Variants in TEX29 observed in about 807,000 individuals in gnomAD.
TEX29 encodes the protein testis expressed 29.
In TEX29, 26 loss-of-function variants were observed where a neutral mutation model predicts 18.2. The observed-to-expected ratio is 1.43, with a 90% CI of 1.04 to 1.98. TEX29 has a LOEUF of 1.98. Among genes scored for constraint, TEX29 ranks in the 30% most tolerant of loss-of-function variants. TEX29 has a pLI of 0.00. For missense variants in TEX29, 177 were observed against 194.2 expected (o/e 0.91, Z 0.53); for synonymous variants, 83 against 78.5 (o/e 1.06, Z -0.31).
In TEX29 at chr13:111,320,924, C is replaced by A. The variant is rs748818333; in HGVS notation, c.34C>A (p.Arg12=). The change falls in exon 2 of 6, where the codon CGG becomes AGG. Residue 12 remains arginine, a synonymous_variant. Coordinates refer to ENST00000283547, the MANE Select transcript of TEX29 (RefSeq NM_152324.3). ...EYVLEVKNSP[R]HLLKQFTVCD... Reference sequence around the variant, plus strand: ...CGTGCTGGAAGTGAAGAACTCTCCGCGGCACCTCCTGAAGCAATTCACAGG... The same window carrying A: ...CGTGCTGGAAGTGAAGAACTCTCCGAGGCACCTCCTGAAGCAATTCACAGG... The A allele has an allele frequency of 1.9e-6, 3 of 1,604,788 alleles. No homozygotes were observed. The highest frequency in any genetic ancestry group is 2.5e-6 in the Non-Finnish European group (3 of 1,177,726).
rs559712990 is a variant in TEX29, at chr13:111,340,002, G to A, written c.239+70G>A. 5.9e-5 allele frequency: 86 copies of A among 1,459,552 alleles called. No homozygotes were observed. In the African/African-American group the frequency reaches 1.1e-3, roughly 19 times the overall value. The allele number at this position is 1,459,552 out of a possible 1,614,324, so 90.4% of individuals were successfully genotyped here. ...TCACCTCTCCTGGCCGCAGCTTCCT[G>A]CCTGCCTGGGCTCCTTCGGGCTTGG... is the stretch of plus-strand genomic sequence containing the variant. On this transcript the variant is annotated intron_variant, in intron 4 of 5. Transcript: ENST00000283547.
chr13:111,318,819 CAG>C (rs1005012846), upstream of TEX29, among the ~76,000 whole-genome samples: 6 of 152,196 alleles, frequency 3.9e-5, no homozygotes, highest in African/African-American at 1.4e-4. Context: ...GAGGGTGAAA[CAG>C]AATTCCTGTA....
intron 3 of TEX29, among the ~76,000 whole-genome samples, chr13:111,338,295 C>T (rs898130965): frequency 6.6e-6 from 1 of 152,062 alleles, no homozygotes; most frequent in African/African-American, 2.4e-5. Context: ...GGCTGGTGTC[C>T]TTGTAAAAAG....
chr13:111,342,681 G>A, intron 4 of TEX29, 75 bp from the exon 5 acceptor site: 1 of 1,458,118 alleles, frequency 6.9e-7, no homozygotes, highest in East Asian at 2.4e-5. Flanking sequence ...GGATGTCCTG[G>A]TGGGTGGGAG....
intron 2 of TEX29, 48 bp downstream of exon 2, chr13:111,320,996 G>GA (rs749590775): frequency 4.2e-6 from 4 of 963,612 alleles, no homozygotes; most frequent in South Asian, 1.8e-5. Flanking sequence ...GGGAGCAGTT[G>GA]GGGGGGGGCA....
intron 3 of TEX29, among the ~76,000 whole-genome samples, chr13:111,338,440 C>T (rs566260069): frequency 9.9e-5 from 15 of 152,284 alleles, no homozygotes; most frequent in African/African-American, 3.4e-4. Flanking sequence ...ACAGTTTGTT[C>T]TTGGACTTCT....
intron 3 of TEX29, among the ~76,000 whole-genome samples, chr13:111,333,738 A>C (rs569876789): frequency 2.1e-4 from 32 of 152,076 alleles, no homozygotes; most frequent in African/African-American, 7.5e-4. Flanking sequence ...GCCAGAAGGC[A>C]AAGGTGAAGC....
At chr13:111,340,221 C>T (rs575772377) in intron 4 of TEX29, among the ~76,000 whole-genome samples, 11 of 127,056 alleles carry the variant, frequency 8.7e-5, no homozygotes, top group Admixed American at 6.8e-4. Context: ...TGATGAAAAT[C>T]ATAACCCATG....
At chr13:111,330,848 A>G (rs1484457227) in intron 3 of TEX29, among the ~76,000 whole-genome samples, 1 of 152,118 alleles carries the variant, frequency 6.6e-6, no homozygotes, top group Non-Finnish European at 1.5e-5. Flanking sequence ...GTAGTTCTCA[A>G]GGTTCGTTCG....
intron 3 of TEX29, among the ~76,000 whole-genome samples, chr13:111,329,516 C>T (rs573722896): frequency 6.6e-6 from 1 of 151,172 alleles, no homozygotes; most frequent in Non-Finnish European, 1.5e-5. Flanking sequence ...CTTAGAAAGT[C>T]GGGAAACGTT....
rs549421989 is a variant in TEX29, at chr13:111,328,268, C to A, written c.144C>A (p.Gly48=). 1.2e-6 allele frequency: 2 copies of A among 1,613,670 alleles called. No individual in the cohort carries two copies. The highest frequency in any genetic ancestry group is 1.3e-5 in the African/African-American group (1 of 74,938). The stretch of plus-strand genomic sequence containing the variant: ...AGCTCGGGTGCTGCTTCTACGAAGG[C>A]GTCTGCTACAAGAAAGCGGTTCCCA... ...CQELGCCFYE[G]VCYKKAVPIY... The change falls in exon 3 of 6, where the codon GGC becomes GGA. Residue 48 remains glycine (G), a synonymous_variant. Coordinates refer to ENST00000283547, the MANE Select transcript of TEX29 (RefSeq NM_152324.3).
In TEX29 at chr13:111,344,194, C is replaced by A; in HGVS notation, c.*71C>A. ...AATGGTACAGCAGGTGCACTGTTAA[C>A]AGTGTGATGGAATGACCACCCAAAG... is the stretch of plus-strand genomic sequence containing the variant. On this transcript the variant is annotated 3_prime_UTR_variant, in exon 6 of 6. Coordinates refer to ENST00000283547, the MANE Select transcript of TEX29 (RefSeq NM_152324.3). 1 of 1,320,150 alleles carries A rather than the reference C, an allele frequency of 7.6e-7. No individual in the cohort carries two copies. The allele number at this position is 1,320,150 out of a possible 1,614,324, so 81.8% of individuals were successfully genotyped here.
At chr13:111,331,420 T>C (rs35679196) in intron 3 of TEX29, among the ~76,000 whole-genome samples, 8,978 of 152,036 alleles carry the variant, frequency 0.059, 388 homozygotes, top group Middle Eastern at 0.14. Context: ...CTTTTTATTA[T>C]GGAGTTGTAT....
intron 3 of TEX29, among the ~76,000 whole-genome samples, chr13:111,330,353 T>A (rs763233421): frequency 6.6e-6 from 1 of 152,132 alleles, no homozygotes; most frequent in Non-Finnish European, 1.5e-5. Context: ...CAAAAGAAGA[T>A]GAATTTTCGC....
At chr13:111,342,604 A>G in intron 4 of TEX29, 152 bp from the exon 5 acceptor site, 1 of 600,212 alleles carries the variant, frequency 1.7e-6, no homozygotes, top group African/African-American at 1.9e-5. Flanking sequence ...CGAAAATGAG[A>G]ACTATTACAT....
intron 2 of TEX29, among the ~76,000 whole-genome samples, chr13:111,323,343 G>A (rs1253380818): frequency 2.6e-5 from 4 of 152,228 alleles, no homozygotes; most frequent in African/African-American, 9.6e-5. Flanking sequence ...GGTGGCCCCT[G>A]GGGAAGAGGC....
chr13:111,323,932 C>T (rs145688645), intron 2 of TEX29, among the ~76,000 whole-genome samples: 4 of 152,302 alleles, frequency 2.6e-5, no homozygotes, highest in Admixed American at 6.5e-5. Context: ...GTCTTCTGTC[C>T]AAAGATAACT....
At chr13:111,331,225 G>C (rs1037902738) in intron 3 of TEX29, among the ~76,000 whole-genome samples, 1 of 151,104 alleles carries the variant, frequency 6.6e-6, no homozygotes, top group Non-Finnish European at 1.5e-5. Flanking sequence ...TGGTCCTTTT[G>C]TTTACAGCCA....
chr13:111,342,585 A>G (rs9588402), intron 4 of TEX29, among the ~76,000 whole-genome samples, 171 bp from the exon 5 acceptor site: 1 of 149,322 alleles, frequency 6.7e-6, no homozygotes, highest in Non-Finnish European at 1.5e-5. Flanking sequence ...AAAGAGAGAG[A>G]GAAAGAAACG....
Sources: allele counts gnomAD v4.1 joint callset (sites outside exome capture counted in the v4.1 genomes callset), GRCh38; gene constraint gnomAD v4.1.1; transcripts MANE v1.5; gene names NCBI Gene and HGNC (gene_info 2026-07-23, HGNC 2026-07-21).